Variants in VPS13B observed in about 807,000 individuals in gnomAD.
The protein encoded by VPS13B is intermembrane lipid transfer protein VPS13B.
A neutral mutation model predicts 426.4 loss-of-function variants in VPS13B; 285 were observed. The ratio of observed to expected loss-of-function variants is 0.67; its 90% CI spans 0.61 to 0.74. VPS13B has a LOEUF of 0.74. Among genes scored for constraint, VPS13B ranks in the 30% least tolerant of loss-of-function variants. The probability of loss-of-function intolerance (pLI) is 0.00; values close to 1 mark genes in which losing one functional copy is unlikely to be tolerated. For synonymous variants in VPS13B, 1,676 were observed against 1,676.4 expected, an observed-to-expected ratio of 1.00 and a Z score of 0.01; for missense variants, 4,537 against 4,782.6, an observed-to-expected ratio of 0.95 and a Z score of 1.51.
At chr8:99,836,310 A>G (rs893962711) in intron 54 of VPS13B, among the ~76,000 whole-genome samples, 4 of 152,162 alleles carry the variant, frequency 2.6e-5, no homozygotes, top group African/African-American at 4.8e-5. Context: ...TTAGTGTATA[A>G]TTTAGTGACA....
intron 19 of VPS13B, among the ~76,000 whole-genome samples, chr8:99,358,296 A>G (rs1812300838): frequency 6.6e-6 from 1 of 152,200 alleles, no homozygotes; most frequent in Non-Finnish European, 1.5e-5. Flanking sequence ...TCTGAGGAAC[A>G]GATTTTGGGC....
rs1832071635 is a variant in VPS13B at position 99,697,363 on chromosome 8, A to G, written c.6047-2162A>G. ...AGGCCAGGGGCCTAACCTCAGCCAGAAGTGCCTGAAGCAGTCCTGTGGTCA... is the reference window on the plus strand; with the variant it reads ...AGGCCAGGGGCCTAACCTCAGCCAGGAGTGCCTGAAGCAGTCCTGTGGTCA... On this transcript the variant is annotated intron_variant, in intron 35 of 61. Transcript: ENST00000357162. The G allele has an allele frequency of 5.1e-6, 3 of 585,922 alleles. No individual in the cohort carries two copies. In the Admixed American group the frequency reaches 9.1e-5, roughly 18 times the overall value. The allele number at this position is 585,922 out of a possible 1,614,324, so 36.3% of individuals were successfully genotyped here. A position where few individuals can be genotyped will look rare whatever the true frequency, so the allele number is the denominator to read the frequency against.
At chr8:99,085,546 C>A (rs1441505182) in intron 3 of VPS13B, among the ~76,000 whole-genome samples, 1 of 152,098 alleles carries the variant, frequency 6.6e-6, no homozygotes, top group Admixed American at 6.5e-5. Context: ...TTCCTAGCAT[C>A]GATGGTGTTT....
At chr8:99,644,125 A>C (rs948481026) in intron 34 of VPS13B, among the ~76,000 whole-genome samples, 1 of 152,172 alleles carries the variant, frequency 6.6e-6, no homozygotes, top group African/African-American at 2.4e-5. Flanking sequence ...AGGAACAGCT[A>C]TGACCTCTTC....
intron 17 of VPS13B, among the ~76,000 whole-genome samples, chr8:99,271,608 T>A (rs566394611): frequency 4.6e-5 from 7 of 152,254 alleles, no homozygotes; most frequent in Non-Finnish European, 8.8e-5. Context: ...TGAGACTGGG[T>A]AATTTAAAAA....
chr8:99,138,141 A>T (rs55893057), intron 12 of VPS13B, among the ~76,000 whole-genome samples: 39,822 of 151,724 alleles, frequency 0.26, 5,910 homozygotes, highest in East Asian at 0.43. Flanking sequence ...TAATATATAT[A>T]TATTTTTTGA....
intron 43 of VPS13B, among the ~76,000 whole-genome samples, chr8:99,795,778 A>T (rs1812778451): frequency 6.6e-6 from 1 of 152,186 alleles, no homozygotes; most frequent in African/African-American, 2.4e-5. Flanking sequence ...CACTACAGGG[A>T]TCTCTCCAGA....
Position 99,115,824 on chromosome 8 carries a change from A to G in VPS13B, c.887A>G (p.Glu296Gly), listed in dbSNP as rs1043484690. Residue 296 changes from glutamate to glycine, a missense_variant, in exon 7 of 62, where the codon GAA (glutamate) becomes GGA (glycine). This residue lies in a region of VPS13B where 4,311 missense variants were observed against 4,474.3 expected (regional missense o/e 0.96). Coordinates refer to ENST00000357162, the MANE Select transcript of VPS13B (RefSeq NM_152564.5). The stretch of plus-strand genomic sequence containing the variant: ...GAAATAGGCAATTTTAAAGAAGGCG[A>G]AATAGAGGACCTTACTTGTCATAAT... ...YGEIGNFKEG[E>G]IEDLTCHNKD... 1 of 1,613,622 alleles carries G rather than the reference A, an allele frequency of 6.2e-7. No individual in the cohort carries two copies. The highest frequency in any genetic ancestry group is 1.3e-5 in the African/African-American group (1 of 74,926).
chr8:99,575,678 G>T lies in VPS13B; in HGVS notation c.4970G>T (p.Arg1657Met), dbSNP rs903367949. The T allele has an allele frequency of 6.2e-7, 1 of 1,613,772 alleles. No homozygotes were observed. The highest frequency in any genetic ancestry group is 1.3e-5 in the African/African-American group (1 of 74,912). Residue 1657 changes from arginine to methionine, a missense_variant, in exon 32 of 62, where the codon AGG (arginine) becomes ATG (methionine). Around this residue, in one of 2 missense-constraint regions of VPS13B, gnomAD observed 4,311 missense variants for 4,474.3 expected, o/e 0.96. Transcript: ENST00000357162. ...TTTAGCATACGGCGGCATCAAGAAA[G>T]GAGAGCAATTTTGACCCCCGTTTTG... ...MASSIRRHQE[R>M]RAILTPVLTD...
intron 22 of VPS13B, 72 bp from the exon 23 acceptor site, chr8:99,442,329 G>A: frequency 1.5e-6 from 2 of 1,312,100 alleles, no homozygotes; most frequent in South Asian, 2.4e-5. Context: ...TGTTTATTCT[G>A]GCGAAGATGT....
chr8:99,517,010 AT>A (rs1822119949), intron 29 of VPS13B, among the ~76,000 whole-genome samples: 1 of 152,066 alleles, frequency 6.6e-6, no homozygotes, highest in African/African-American at 2.4e-5. Context: ...ATGGTCATTG[AT>A]TATATGTTTA....
chr8:99,478,451 T>TTG (rs1819837874), intron 24 of VPS13B, among the ~76,000 whole-genome samples: 3 of 124,486 alleles, frequency 2.4e-5, no homozygotes, highest in African/African-American at 9.5e-5. Flanking sequence ...TGTTTTGTTT[T>TTG]TTTTTTTTTT....
intron 40 of VPS13B, among the ~76,000 whole-genome samples, chr8:99,771,715 T>G (rs1181467287): frequency 1.3e-5 from 2 of 152,244 alleles, no homozygotes; most frequent in Non-Finnish European, 2.9e-5. Context: ...AAAAAGTGAC[T>G]GTGGCCTTCC....
At chr8:99,872,047 C>T (rs1230071173) in intron 61 of VPS13B, among the ~76,000 whole-genome samples, 1 of 152,160 alleles carries the variant, frequency 6.6e-6, no homozygotes, top group African/African-American at 2.4e-5. Context: ...AGTTACAAAA[C>T]GAGTGGGTTG....
At chr8:99,159,967 C>A (rs1811556171) in intron 15 of VPS13B, among the ~76,000 whole-genome samples, 1 of 151,868 alleles carries the variant, frequency 6.6e-6, no homozygotes, top group African/African-American at 2.4e-5. Context: ...CAATAAAGTG[C>A]TTTTTATTTA....
At chr8:99,342,990 T>C (rs1198501475) in intron 19 of VPS13B, among the ~76,000 whole-genome samples, 3 of 152,198 alleles carry the variant, frequency 2.0e-5, no homozygotes, top group Non-Finnish European at 4.4e-5. Flanking sequence ...ATTTCCCTAT[T>C]GATTAGTGAT....
At chr8:99,028,309 C>A (rs1842248033) in intron 2 of VPS13B, among the ~76,000 whole-genome samples, 1 of 151,334 alleles carries the variant, frequency 6.6e-6, no homozygotes, top group African/African-American at 2.4e-5. Flanking sequence ...GTGCCCCTCA[C>A]CTCCCGGACG....
At chr8:99,430,132 A>G (rs974743261) in intron 21 of VPS13B, among the ~76,000 whole-genome samples, 2 of 152,158 alleles carry the variant, frequency 1.3e-5, no homozygotes, top group Non-Finnish European at 2.9e-5. Flanking sequence ...TTTATTTACA[A>G]TTTCTGATAT....
At chr8:99,673,811 CATTT>C (rs1368485487) in intron 35 of VPS13B, among the ~76,000 whole-genome samples, 2 of 151,888 alleles carry the variant, frequency 1.3e-5, no homozygotes, top group East Asian at 3.8e-4. Context: ...AACACCATTT[CATTT>C]GTCTCAAGAA....
Sources: gnomAD v4.1 joint callset for allele counts (sites outside exome capture counted in the v4.1 genomes callset) on GRCh38, gnomAD v4.1.1 for gene constraint, gnomAD v4.1.1 regional missense constraint, MANE v1.5 for transcripts, NCBI Gene and HGNC (gene_info 2026-07-23, HGNC 2026-07-21) for gene names.